CADM2: variants seen among roughly 807,000 people sequenced by gnomAD.
CADM2 encodes the protein immunoglobulin superfamily member 4D.
Under a neutral mutation model 49.8 loss-of-function variants are expected in CADM2, and 12 were observed. The observed-to-expected ratio is 0.24, with a 90% CI of 0.15 to 0.39. CADM2 has a LOEUF of 0.39. Ranked by LOEUF, CADM2 falls within the 10% of genes least tolerant of loss-of-function variation. The probability of loss-of-function intolerance (pLI) is 1.00; values close to 1 mark genes in which losing one functional copy is unlikely to be tolerated. For synonymous variants in CADM2, 214 were observed against 175.4 expected, an observed-to-expected ratio of 1.22 and a Z score of -1.74; for missense variants, 378 against 492.3, an observed-to-expected ratio of 0.77 and a Z score of 2.20.
intron 1 of CADM2, among the ~76,000 whole-genome samples, chr3:85,338,890 T>C (rs2045164403): frequency 1.3e-5 from 2 of 151,498 alleles, no homozygotes; most frequent in South Asian, 4.1e-4. Context: ...TATGCCTAGA[T>C]CTCCTGAACC....
intron 1 of CADM2, among the ~76,000 whole-genome samples, chr3:85,211,895 A>G (rs1043649616): frequency 6.6e-6 from 1 of 151,970 alleles, no homozygotes; most frequent in African/African-American, 2.4e-5. Context: ...CTCAGCTCCT[A>G]TTGTTTTGGG....
intron 1 of CADM2, among the ~76,000 whole-genome samples, chr3:85,498,257 C>T (rs1159709574): frequency 6.7e-6 from 1 of 148,730 alleles, no homozygotes; most frequent in Non-Finnish European, 1.5e-5. Context: ...TGCTGAAGTG[C>T]TGTCTAGTGT....
chr3:85,329,392 GACACACAC>G (rs145193562), intron 1 of CADM2, among the ~76,000 whole-genome samples: 8 of 146,158 alleles, frequency 5.5e-5, no homozygotes, highest in African/African-American at 2.0e-4. Flanking sequence ...CACACACACA[GACACACAC>G]ACACACACAC....
chr3:85,573,553 A>T (rs73137895), intron 1 of CADM2, among the ~76,000 whole-genome samples: 2 of 151,926 alleles, frequency 1.3e-5, no homozygotes, highest in Admixed American at 6.6e-5. Context: ...AACTACTATC[A>T]GTGTAACATT....
Position 85,310,295 on chromosome 3 carries a change from G to A in CADM2, c.61+350627G>A, listed in dbSNP as rs1181135049. Among the ~76,000 whole-genome samples the A allele has an allele frequency of 2.0e-5, 3 of 151,550 alleles. No homozygotes were observed. In the East Asian group the frequency reaches 5.9e-4, roughly 30 times the overall value. On this transcript the variant is annotated intron_variant, in intron 1 of 9. Coordinates refer to ENST00000383699, the MANE Select transcript of CADM2 (RefSeq NM_001167675.2). ...TACTGATGATAAAATTTCAGGGCAC[G>A]GACTGTTTGGAGGGCACAGGATTTC... is the stretch of plus-strand genomic sequence containing the variant.
chr3:86,027,860 A>G (rs1218975705), intron 8 of CADM2: 1 of 152,070 alleles, frequency 6.6e-6, no homozygotes, highest in East Asian at 1.9e-4. Context: ...GGCTTTAGAA[A>G]TATACAAATA....
chr3:86,061,349 A>G (rs557100129), intron 8 of CADM2, among the ~76,000 whole-genome samples: 1 of 152,278 alleles, frequency 6.6e-6, no homozygotes, highest in East Asian at 1.9e-4. Flanking sequence ...TTGGGCATAC[A>G]GATCACTCAT....
rs527427990 is a variant in CADM2, at chr3:85,732,635, AAAGT to A, written c.88+6094_88+6097del. Among the ~76,000 whole-genome samples, 79 of 152,322 alleles carry A rather than the reference AAAGT, an allele frequency of 5.2e-4. 1 individual carries two copies. Among genetic ancestry groups the A allele is most frequent in the African/African-American group, 1.8e-3 (75 of 41,574 alleles). On this transcript the variant is annotated intron_variant, in intron 2 of 9. Coordinates refer to ENST00000383699, the MANE Select transcript of CADM2 (RefSeq NM_001167675.2). ...CTGCAGCTTTTTTCTAACTTTTAAA[AAAGT>A]AAGTAACAATGATAATTATAACAGC...
At chr3:85,641,251 C>A (rs1054758900) in intron 1 of CADM2, among the ~76,000 whole-genome samples, 6 of 151,926 alleles carry the variant, frequency 3.9e-5, no homozygotes, top group Non-Finnish European at 8.8e-5. Context: ...GAAGTAAATA[C>A]ACTAGTAATA....
At chr3:85,605,874 T>C (rs1242370136) in intron 1 of CADM2, among the ~76,000 whole-genome samples, 1 of 152,098 alleles carries the variant, frequency 6.6e-6, no homozygotes, top group East Asian at 1.9e-4. Context: ...AGGAAACTCT[T>C]TCCTGAATAA....
intron 2 of CADM2, among the ~76,000 whole-genome samples, chr3:85,760,785 A>G (rs1479634550): frequency 1.3e-5 from 2 of 152,166 alleles, no homozygotes; most frequent in African/African-American, 2.4e-5. Flanking sequence ...TTAACACATT[A>G]TATATTTGTA....
chr3:84,970,251 C>G (rs189896999), intron 1 of CADM2, among the ~76,000 whole-genome samples: 2 of 144,042 alleles, frequency 1.4e-5, no homozygotes, highest in East Asian at 4.0e-4. Flanking sequence ...GTTGATGACA[C>G]ATATATGCTG....
intron 1 of CADM2, among the ~76,000 whole-genome samples, chr3:85,200,300 T>C (rs896242816): frequency 6.6e-6 from 1 of 152,098 alleles, no homozygotes; most frequent in Non-Finnish European, 1.5e-5. Context: ...TGACTTTCCT[T>C]GGCCATTAAG....
intron 1 of CADM2, among the ~76,000 whole-genome samples, chr3:85,700,419 G>A (rs949893495): frequency 6.6e-6 from 1 of 152,058 alleles, no homozygotes; most frequent in Non-Finnish European, 1.5e-5. Context: ...AACCACCATG[G>A]CATGTGTATG....
chr3:85,736,636 GT>G (rs888093429), intron 2 of CADM2, among the ~76,000 whole-genome samples: 3 of 151,794 alleles, frequency 2.0e-5, no homozygotes, highest in Non-Finnish European at 2.9e-5. Context: ...TTTCTGTTGG[GT>G]TTTTTTTCAA....
At chr3:85,242,068 T>G (rs1328454821) in intron 1 of CADM2, among the ~76,000 whole-genome samples, 2 of 150,736 alleles carry the variant, frequency 1.3e-5, no homozygotes, top group South Asian at 2.1e-4. Context: ...TTCTGTTGTT[T>G]TTTTTTTTAT....
chr3:85,886,089 C>A, intron 4 of CADM2, 101 bp from the exon 5 acceptor site: 1 of 1,517,890 alleles, frequency 6.6e-7, no homozygotes, highest in South Asian at 1.3e-5. Flanking sequence ...AACTTCTTGT[C>A]AATTAACCAT....
In CADM2 at chr3:86,057,786, A is replaced by G. The variant is rs1054730595; in HGVS notation, c.971-7819A>G. On this transcript the variant is annotated intron_variant, in intron 8 of 9. Coordinates refer to ENST00000383699, the MANE Select transcript of CADM2 (RefSeq NM_001167675.2). The stretch of plus-strand genomic sequence containing the variant: ...CTTACAGGATGAAGAAGCATAAATA[A>G]CAGGAGATTATTTAGCATGGATGGG... 2.6e-5 allele frequency among the ~76,000 whole-genome samples: 4 copies of G among 152,280 alleles called. No homozygotes were observed. In the East Asian group the frequency reaches 5.8e-4, roughly 22 times the overall value.
intron 1 of CADM2, among the ~76,000 whole-genome samples, chr3:85,511,089 C>T (rs2040595947): frequency 6.6e-6 from 1 of 151,962 alleles, no homozygotes; most frequent in Non-Finnish European, 1.5e-5. Flanking sequence ...CTTTCGAATG[C>T]CTACCCTCAC....
Sources: allele counts gnomAD v4.1 joint callset (sites outside exome capture counted in the v4.1 genomes callset), GRCh38; gene constraint gnomAD v4.1.1; transcripts MANE v1.5; gene names NCBI Gene and HGNC (gene_info 2026-07-23, HGNC 2026-07-21).